BAZ2B: variants seen among roughly 807,000 people sequenced by gnomAD.
BAZ2B encodes bromodomain adjacent to zinc finger domain 2B, also known as bromodomain adjacent to zinc finger domain protein 2B.
In BAZ2B, 91 loss-of-function variants were observed where a neutral mutation model predicts 246.0. The ratio of observed to expected loss-of-function variants is 0.37; its 90% confidence interval spans 0.31 to 0.44. The LOEUF is 0.44. Ranked by LOEUF, BAZ2B falls within the 20% of genes least tolerant of loss-of-function variation. The pLI, the probability that BAZ2B is intolerant of heterozygous loss-of-function variation, is 1.00. For missense variants in BAZ2B, 2,332 were observed against 2,533.7 expected, an observed-to-expected ratio of 0.92 and a Z score of 1.71; for synonymous variants, 855 against 860.0, an observed-to-expected ratio of 0.99 and a Z score of 0.10.
At chr2:159,670,871 T>C in the BAZ2B span, 1 of 152,212 alleles carries the variant, frequency 6.6e-6, no homozygotes, top group African/African-American at 2.4e-5. Context: ...TTTGCCATCA[T>C]TTCTGAAGGA....
At chr2:159,656,757 T>C in the BAZ2B span, among the ~76,000 whole-genome samples, 10 of 152,182 alleles carry the variant, frequency 6.6e-5, no homozygotes, top group Admixed American at 5.9e-4. Context: ...CATACGATGC[T>C]GAGCATCTTT....
chr2:159,383,787 G>T, intron 23 of BAZ2B, 107 bp from the exon 24 acceptor site: 4 of 933,388 alleles, frequency 4.3e-6, no homozygotes, highest in Non-Finnish European at 6.5e-6. Flanking sequence ...TTTTGAATAA[G>T]TAAAAATGAT....
At chr2:159,619,268 A>C (rs922032209), upstream of BAZ2B, among the ~76,000 whole-genome samples, 2 of 151,954 alleles carry the variant, frequency 1.3e-5, no homozygotes, top group Admixed American at 6.5e-5. Flanking sequence ...TTGATTGCAC[A>C]AGGAAGTAAC....
chr2:159,629,703 T>C, the BAZ2B span, among the ~76,000 whole-genome samples: 2 of 152,110 alleles, frequency 1.3e-5, no homozygotes, highest in African/African-American at 4.8e-5. Flanking sequence ...AGGGATAGCA[T>C]TAGGAGAAAT....
At chr2:159,630,572 C>A in the BAZ2B span, among the ~76,000 whole-genome samples, 1,905 of 149,516 alleles carry the variant, frequency 0.013, 44 homozygotes, top group African/African-American at 0.044. Flanking sequence ...CTCGCTCTGT[C>A]GCCCAGGCTG....
intron 2 of BAZ2B, 133 bp from the exon 3 acceptor site, chr2:159,478,854 T>TA: frequency 1.7e-6 from 1 of 594,170 alleles, no homozygotes; most frequent in Non-Finnish European, 2.5e-6. Flanking sequence ...AAAGAGAAAA[T>TA]ATGGAGTAGA....
chr2:159,607,460 T>C (rs1693758914), intron 1 of BAZ2B, among the ~76,000 whole-genome samples: 1 of 152,176 alleles, frequency 6.6e-6, no homozygotes, highest in African/African-American at 2.4e-5. Context: ...AAGGGTAGTT[T>C]TGTCAGTTTT....
At chr2:159,342,132 T>C (rs2066842384) in intron 31 of BAZ2B, among the ~76,000 whole-genome samples, 1 of 152,014 alleles carries the variant, frequency 6.6e-6, no homozygotes, top group African/African-American at 2.4e-5. Context: ...AGGTGAAAGA[T>C]CTCTACATGG....
At chr2:159,562,142 T>C (rs35299907) in intron 1 of BAZ2B, among the ~76,000 whole-genome samples, 66,082 of 152,052 alleles carry the variant, frequency 0.43, 15,575 homozygotes, top group Middle Eastern at 0.64. Flanking sequence ...ATTGGCATTC[T>C]ATCAAAATGC....
intron 34 of BAZ2B, among the ~76,000 whole-genome samples, chr2:159,326,419 T>A (rs1405023481): frequency 6.6e-6 from 1 of 152,058 alleles, no homozygotes; most frequent in Non-Finnish European, 1.5e-5. Flanking sequence ...GAAATTGATT[T>A]GATTTTTTTT....
At chr2:159,376,725 C>T (rs963482910) in intron 25 of BAZ2B, among the ~76,000 whole-genome samples, 4 of 152,014 alleles carry the variant, frequency 2.6e-5, no homozygotes, top group African/African-American at 4.8e-5. Flanking sequence ...TTTGAAAATG[C>T]CATGTATCAG....
chr2:159,529,493 C>T (rs1287377494), intron 2 of BAZ2B, among the ~76,000 whole-genome samples: 2 of 152,144 alleles, frequency 1.3e-5, no homozygotes, highest in Non-Finnish European at 2.9e-5. Flanking sequence ...GAACAGTTCT[C>T]ACCCAGGTAT....
At chr2:159,670,447 T>C in the BAZ2B span, among the ~76,000 whole-genome samples, 1 of 152,222 alleles carries the variant, frequency 6.6e-6, no homozygotes, top group Non-Finnish European at 1.5e-5. Flanking sequence ...CTTCTCTTCA[T>C]GTAAAACACA....
chr2:159,459,513 C>G (rs1163269849), intron 3 of BAZ2B: 1 of 152,144 alleles, frequency 6.6e-6, no homozygotes, highest in Non-Finnish European at 1.5e-5. Context: ...GCAGGGATTG[C>G]TGTTTTGTTT....
the BAZ2B span, among the ~76,000 whole-genome samples, chr2:159,646,720 T>C: frequency 2.6e-5 from 4 of 152,122 alleles, no homozygotes; most frequent in African/African-American, 7.2e-5. Flanking sequence ...GCAACACTAA[T>C]AGGCCATGGG....
intron 27 of BAZ2B, among the ~76,000 whole-genome samples, chr2:159,371,647 A>G (rs1265529779): frequency 6.6e-6 from 1 of 152,098 alleles, no homozygotes; most frequent in Non-Finnish European, 1.5e-5. Context: ...TTTCTTTACT[A>G]CTTCTTCCAA....
chr2:159,429,223 T>C lies in BAZ2B; in HGVS notation c.2232A>G (p.Glu744=). The C allele has an allele frequency of 6.4e-7, 1 of 1,563,268 alleles. No homozygotes were observed. Among genetic ancestry groups the C allele is most frequent in the Non-Finnish European group, 8.7e-7 (1 of 1,150,316 alleles). The change falls in exon 11 of 37, where the codon GAA becomes GAG. Residue 744 remains glutamate (E), a synonymous_variant. Transcript: ENST00000392783. Reference sequence around the variant, plus strand: ...ACCCATATTCCAATGGAATACGCAGTTCACGTTCATCTGTTACTCTTCTTC... The same window carrying C: ...ACCCATATTCCAATGGAATACGCAGCTCACGTTCATCTGTTACTCTTCTTC... The part of the protein sequence containing the change: ...SKRRRVTDER[E]LRIPLEYGWQ...
chr2:159,417,071 A>G (rs1199805983), intron 13 of BAZ2B, among the ~76,000 whole-genome samples: 3 of 152,318 alleles, frequency 2.0e-5, no homozygotes, highest in Non-Finnish European at 4.4e-5. Context: ...TTAAAATAGT[A>G]AATATTTGCT....
Position 159,404,721 on chromosome 2 carries a change from T to C in BAZ2B, c.2832+128A>G, listed in dbSNP as rs767987565. 1.4e-3 allele frequency: 1,128 copies of C among 826,688 alleles called. 1 individual carries two copies. The highest frequency in any genetic ancestry group is 1.6e-3 in the Non-Finnish European group (873 of 560,866). The allele number at this position is 826,688 out of a possible 1,614,324, so 51.2% of individuals were successfully genotyped here. On this transcript the variant is annotated intron_variant, in intron 16 of 36. Coordinates refer to ENST00000392783, the MANE Select transcript of BAZ2B (RefSeq NM_013450.4). ...ATTTTAATTAATAGAAGATAGCAACTTTCTAAATAAGACACAAATATTAAT... is the reference window on the plus strand; with the variant it reads ...ATTTTAATTAATAGAAGATAGCAACCTTCTAAATAAGACACAAATATTAAT...
Sources: gnomAD v4.1 joint callset for allele counts (sites outside exome capture counted in the v4.1 genomes callset) on GRCh38, gnomAD v4.1.1 for gene constraint, MANE v1.5 for transcripts, NCBI Gene and HGNC (gene_info 2026-07-23, HGNC 2026-07-21) for gene names.